Variants in CD226 observed in about 807,000 individuals in gnomAD.
CD226 encodes CD226 molecule, also known as CD226 antigen.
Under a neutral mutation model 34.9 loss-of-function variants are expected in CD226, and 24 were observed. The ratio of observed to expected loss-of-function variants is 0.69; its 90% CI spans 0.50 to 0.97. The LOEUF is 0.97. Among genes scored for constraint, CD226 ranks in the 50% least tolerant of loss-of-function variants. The probability of loss-of-function intolerance (pLI) is 0.00; values close to 1 mark genes in which losing one functional copy is unlikely to be tolerated. For synonymous variants in CD226, 148 were observed against 147.4 expected (o/e 1.00, Z -0.03); for missense variants, 397 against 412.7 (o/e 0.96, Z 0.33).
intron 2 of CD226, among the ~76,000 whole-genome samples, chr18:69,936,893 C>G (rs1465250943): frequency 6.6e-6 from 1 of 152,190 alleles, no homozygotes; most frequent in Non-Finnish European, 1.5e-5. Flanking sequence ...ATAAGAAAGA[C>G]TCTTTCTCTG....
At chr18:69,872,845 G>A (rs1469373747) in intron 4 of CD226, among the ~76,000 whole-genome samples, 2 of 151,916 alleles carry the variant, frequency 1.3e-5, no homozygotes, top group East Asian at 1.9e-4. Context: ...TGTCATACAC[G>A]CACACACACC....
Position 69,862,415 on chromosome 18 carries a change from T to G in CD226, c.*1899A>C, listed in dbSNP as rs1273633579. ...TAAATTCACTCACAGAATCTTTGAT[T>G]GATCTGATAGTAGAGTGCTTTCTTG... is the stretch of plus-strand genomic sequence containing the variant. On this transcript the variant is annotated 3_prime_UTR_variant, in exon 6 of 6. Coordinates refer to ENST00000582621, the MANE Select transcript of CD226 (RefSeq NM_001303618.2). 1 of 152,186 alleles carries G rather than the reference T, an allele frequency of 6.6e-6. No individual in the cohort carries two copies. The highest frequency in any genetic ancestry group is 1.5e-5 in the Non-Finnish European group (1 of 67,992). 9.4% of individuals were successfully genotyped at this position (152,186 alleles called of 1,614,324 possible). A position where few individuals can be genotyped will look rare whatever the true frequency, so the allele number is the denominator to read the frequency against.
intron 3 of CD226, 58 bp downstream of exon 3, chr18:69,895,643 G>A (rs183968180): frequency 7.8e-7 from 1 of 1,285,904 alleles, no homozygotes; most frequent in South Asian, 1.3e-5. Flanking sequence ...ACAGAGACCA[G>A]CCCACGGGGC....
intron 4 of CD226, among the ~76,000 whole-genome samples, chr18:69,872,089 T>TGTGTGTGTGTGTGTGTGTGG (rs763335398): frequency 6.6e-6 from 1 of 150,390 alleles, no homozygotes; most frequent in African/African-American, 2.4e-5. Flanking sequence ...TGTGTGTGTG[T>TGTGTGTGTGTGTGTGTGTGG]GGTGCATTTG....
chr18:69,923,212 GGAGAAAGAAAGAGAGA>G (rs1035943052), intron 2 of CD226, among the ~76,000 whole-genome samples: 17 of 146,546 alleles, frequency 1.2e-4, no homozygotes, highest in African/African-American at 3.6e-4. Flanking sequence ...GGAAGGAAAG[GGAGAAAGAAAGAGAGA>G]GAGAAAGAAA....
rs1027187215 is a variant in CD226, at chr18:69,942,097, C to T, written c.382+4637G>A. Among the ~76,000 whole-genome samples the T allele has an allele frequency of 6.6e-5, 10 of 152,292 alleles. 1 individual carries two copies. Among genetic ancestry groups the T allele is most frequent in the East Asian group, 3.9e-4 (2 of 5,188 alleles). On this transcript the variant is annotated intron_variant, in intron 2 of 5. Transcript: ENST00000582621. ...TGCTCCCCTTTTCACCATGATTGTACGTTTCCTGAGGCCTCCCCAGCCATA... is the reference window on the plus strand; with the variant it reads ...TGCTCCCCTTTTCACCATGATTGTATGTTTCCTGAGGCCTCCCCAGCCATA...
At chr18:69,958,788 A>ACAC (rs2055915342), upstream of CD226, among the ~76,000 whole-genome samples, 3 of 143,706 alleles carry the variant, frequency 2.1e-5, no homozygotes, top group African/African-American at 7.7e-5. Context: ...TTCACAGGCA[A>ACAC]ACACACACAC....
chr18:69,939,419 G>A (rs754201205), intron 2 of CD226, among the ~76,000 whole-genome samples: 2 of 152,150 alleles, frequency 1.3e-5, no homozygotes, highest in Non-Finnish European at 2.9e-5. Context: ...CTTCATCCAT[G>A]TCGGTGAGCA....
upstream of CD226, among the ~76,000 whole-genome samples, chr18:69,952,783 G>T (rs945395321): frequency 6.6e-6 from 1 of 152,132 alleles, no homozygotes; most frequent in Non-Finnish European, 1.5e-5. Context: ...TGCATCAAAG[G>T]ACATTTTCAA....
At chr18:69,944,968 T>C (rs1320129218) in intron 2 of CD226, among the ~76,000 whole-genome samples, 1 of 152,228 alleles carries the variant, frequency 6.6e-6, no homozygotes, top group East Asian at 1.9e-4. Flanking sequence ...AAGATGTTTC[T>C]TATCTCCTGA....
At chr18:69,960,524 ACTGCAACCTC>A (rs1186750780), upstream of CD226, among the ~76,000 whole-genome samples, 2 of 152,210 alleles carry the variant, frequency 1.3e-5, no homozygotes, top group East Asian at 3.9e-4. Context: ...ATCTTGGCTC[ACTGCAACCTC>A]CACTACCTGG....
At position 69,879,374 on chromosome 18, in the gene CD226, G is replaced by A. The variant is rs140879926; in HGVS notation, c.728-6128C>T. ...CCCCCCGCTGAGAGGCCATTATAGA[G>A]GGCTCTCCTCCCCCCAGGAAAGCAT... On this transcript the variant is annotated intron_variant, in intron 3 of 5. Coordinates refer to ENST00000582621, the MANE Select transcript of CD226 (RefSeq NM_001303618.2). 4.7e-4 allele frequency among the ~76,000 whole-genome samples: 72 copies of A among 152,106 alleles called. 3 individuals are homozygous for A. In the East Asian group the frequency reaches 0.012, roughly 26 times the overall value.
chr18:69,909,421 A>G (rs2046598256), intron 2 of CD226, among the ~76,000 whole-genome samples: 1 of 152,188 alleles, frequency 6.6e-6, no homozygotes, highest in Non-Finnish European at 1.5e-5. Context: ...CTGCAAATTT[A>G]TGGTTTTAAT....
intron 2 of CD226, among the ~76,000 whole-genome samples, chr18:69,927,133 G>A (rs1424288622): frequency 6.6e-6 from 1 of 152,080 alleles, no homozygotes; most frequent in Admixed American, 6.6e-5. Flanking sequence ...TGTGATTAGT[G>A]CCCTTCAGAA....
At chr18:69,954,020 T>A (rs940785725) in intron 1 of CD226, among the ~76,000 whole-genome samples, 3 of 151,924 alleles carry the variant, frequency 2.0e-5, no homozygotes, top group Admixed American at 1.3e-4. Context: ...AAAAAAAGTT[T>A]AATCTTATGT....
At chr18:69,933,248 G>C (rs2055610367) in intron 2 of CD226, among the ~76,000 whole-genome samples, 1 of 152,154 alleles carries the variant, frequency 6.6e-6, no homozygotes, top group Admixed American at 6.5e-5. Context: ...TTCACTATTT[G>C]AAAACTTTAC....
At chr18:69,883,113 T>G (rs1984358883) in intron 3 of CD226, among the ~76,000 whole-genome samples, 1 of 152,100 alleles carries the variant, frequency 6.6e-6, no homozygotes, top group Non-Finnish European at 1.5e-5. Context: ...GCCAAGTCCA[T>G]AAAAAAGAAG....
In CD226 at chr18:69,855,350, A is replaced by G. The variant is rs891106462; in HGVS notation, c.*8964T>C. The G allele has an allele frequency of 2.6e-5, 4 of 152,222 alleles. No homozygotes were observed. Among genetic ancestry groups the G allele is most frequent in the African/African-American group, 7.2e-5 (3 of 41,462 alleles). 9.4% of individuals were successfully genotyped at this position (152,222 alleles called of 1,614,324 possible). ...AAAAAAGAAATGGTAGCAATAAAAAACATAGTAATAGAAAGGAAGGATATC... is the reference window on the plus strand; with the variant it reads ...AAAAAAGAAATGGTAGCAATAAAAAGCATAGTAATAGAAAGGAAGGATATC... On this transcript the variant is annotated 3_prime_UTR_variant, in exon 6 of 6. Transcript: ENST00000582621.
intron 2 of CD226, among the ~76,000 whole-genome samples, chr18:69,924,737 G>A (rs1276695159): frequency 6.7e-6 from 1 of 148,326 alleles, no homozygotes; most frequent in Non-Finnish European, 1.5e-5. Context: ...GGGGAGAACT[G>A]CAAAGCCCAG....
Sources: allele counts gnomAD v4.1 joint callset (sites outside exome capture counted in the v4.1 genomes callset), GRCh38; gene constraint gnomAD v4.1.1; transcripts MANE v1.5; gene names NCBI Gene and HGNC (gene_info 2026-07-23, HGNC 2026-07-21).